The following EPB41L4A variants were observed in gnomAD, a reference collection of about 807,000 sequenced individuals.
EPB41L4A encodes erythrocyte membrane protein band 4.1 like 4A, also known as band 4.1-like protein 4A.
EPB41L4A carries 100 observed loss-of-function variants against 108.6 expected under a neutral mutation model. The observed-to-expected ratio is 0.92, with a 90% CI of 0.78 to 1.09. The LOEUF (loss-of-function observed/expected upper bound fraction) is 1.09. Among genes scored for constraint, EPB41L4A ranks in the 50% least tolerant of loss-of-function variants. The pLI, the probability that EPB41L4A is intolerant of heterozygous loss-of-function variation, is 0.00. For missense variants in EPB41L4A, 1,030 were observed against 842.7 expected (o/e 1.22, Z -2.75); for synonymous variants, 319 against 289.0 (o/e 1.10, Z -1.05).
intron 4 of EPB41L4A, among the ~76,000 whole-genome samples, chr5:112,274,206 G>C (rs1477730561): frequency 6.6e-6 from 1 of 152,092 alleles, no homozygotes; most frequent in Non-Finnish European, 1.5e-5. Context: ...TGTGAACCCA[G>C]GAGTTTGAGG....
chr5:112,300,106 C>G lies in EPB41L4A; in HGVS notation c.204+7280G>C, dbSNP rs181518431. On this transcript the variant is annotated intron_variant, in intron 2 of 22. Coordinates refer to ENST00000261486, the MANE Select transcript of EPB41L4A (RefSeq NM_022140.5). ...GTGAATTCTTATCCATTCTGCAATTCTGTATCTTTTAAGTGGAGCATTTAG... is the reference window on the plus strand; with the variant it reads ...GTGAATTCTTATCCATTCTGCAATTGTGTATCTTTTAAGTGGAGCATTTAG... 7.9e-5 allele frequency among the ~76,000 whole-genome samples: 12 copies of G among 152,202 alleles called. No homozygotes were observed. In the East Asian group the frequency reaches 2.1e-3, roughly 27 times the overall value.
chr5:112,151,461 G>A (rs1759465609), intron 12 of EPB41L4A, among the ~76,000 whole-genome samples: 1 of 151,600 alleles, frequency 6.6e-6, no homozygotes. Context: ...CGACTGGAGT[G>A]CAGTGGTGCA....
intron 12 of EPB41L4A, among the ~76,000 whole-genome samples, chr5:112,151,378 A>G (rs1759460227): frequency 1.2e-5 from 1 of 82,776 alleles, no homozygotes; most frequent in Admixed American, 9.7e-5. Context: ...AAGAGGATAA[A>G]TATATATTTA....
chr5:112,262,506 G>C lies in EPB41L4A; in HGVS notation c.630C>G (p.Leu210=). 1 of 1,613,692 alleles carries C rather than the reference G, an allele frequency of 6.2e-7. No homozygotes were observed. ...AKSLEMYGVD[L]HPVYGENKSE... Reference sequence around the variant, plus strand: ...AAATGTTACTCACATAGACGGGATGGAGGTCAACGCCATACATCTCCAGGG... The same window carrying C: ...AAATGTTACTCACATAGACGGGATGCAGGTCAACGCCATACATCTCCAGGG... Residue 210 remains leucine, a synonymous_variant, in exon 7 of 23, where the codon CTC becomes CTG. Coordinates refer to ENST00000261486, the MANE Select transcript of EPB41L4A (RefSeq NM_022140.5).
chr5:112,375,323 G>GCTCTCTCTCGCACACA (rs1440284141), intron 1 of EPB41L4A, among the ~76,000 whole-genome samples: 148 of 142,546 alleles, frequency 1.0e-3, no homozygotes, highest in African/African-American at 3.7e-3. Flanking sequence ...TCTCTCTCTC[G>GCTCTCTCTCGCACACA]CACACACACA....
chr5:112,171,941 T>C (rs890518941), intron 18 of EPB41L4A, among the ~76,000 whole-genome samples: 4 of 152,086 alleles, frequency 2.6e-5, no homozygotes, highest in African/African-American at 9.7e-5. Flanking sequence ...ATGCTTTTAG[T>C]GTATGATATC....
At chr5:112,377,513 G>C (rs977363904) in intron 1 of EPB41L4A, among the ~76,000 whole-genome samples, 6 of 152,132 alleles carry the variant, frequency 3.9e-5, no homozygotes, top group Non-Finnish European at 8.8e-5. Context: ...GTGTGCTCCA[G>C]ATTTTCATTT....
At chr5:112,391,771 T>C (rs1760957750) in intron 1 of EPB41L4A, among the ~76,000 whole-genome samples, 1 of 151,840 alleles carries the variant, frequency 6.6e-6, no homozygotes, top group Non-Finnish European at 1.5e-5. Context: ...CCAAGACACA[T>C]AATTGTCAGA....
chr5:112,297,341 G>A lies in EPB41L4A; in HGVS notation c.204+10045C>T, dbSNP rs1393627782. Among the ~76,000 whole-genome samples the A allele has an allele frequency of 2.6e-5, 4 of 151,942 alleles. No homozygotes were observed. The South Asian group carries it at 8.3e-4, about 32-fold the overall frequency. ...TTTTGATAATGGCCATTCTTGCAGG[G>A]GTAAGGTGGTATTGCATTGTGGTTT... On this transcript the variant is annotated intron_variant, in intron 2 of 22. Coordinates refer to ENST00000261486, the MANE Select transcript of EPB41L4A (RefSeq NM_022140.5).
Position 112,172,558 on chromosome 5 carries a change from TG to T in EPB41L4A, c.1623-1567del, listed in dbSNP as rs1292863080. On this transcript the variant is annotated intron_variant, in intron 18 of 22. Coordinates refer to ENST00000261486, the MANE Select transcript of EPB41L4A (RefSeq NM_022140.5). ...TATGTTTCTTACAAATCATAGAAAC[TG>T]CTTCCTTGGTGTCCTGTATGTATTC... 9.2e-5 allele frequency among the ~76,000 whole-genome samples: 14 copies of T among 151,874 alleles called. No individual in the cohort carries two copies. In the East Asian group the frequency reaches 2.7e-3, roughly 29 times the overall value.
rs149111312 is a variant in EPB41L4A, at chr5:112,163,737, T to A, written c.*1253A>T. ...CTGAGAATGAGAGGAAAATCTTAGTTGCTTGGCGGGAGGGGGTTTGTGGTT... is the reference window on the plus strand; with the variant it reads ...CTGAGAATGAGAGGAAAATCTTAGTAGCTTGGCGGGAGGGGGTTTGTGGTT... On this transcript the variant is annotated 3_prime_UTR_variant, in exon 23 of 23. Transcript: ENST00000261486. The A allele has an allele frequency of 3.2e-3, 485 of 152,348 alleles. 2 individuals carry two copies. Among genetic ancestry groups the A allele is most frequent in the African/African-American group, 0.011 (451 of 41,578 alleles). The allele number at this position is 152,348 out of a possible 1,614,324, so 9.4% of individuals were successfully genotyped here. A position where few individuals can be genotyped will look rare whatever the true frequency, so the allele number is the denominator to read the frequency against.
intron 1 of EPB41L4A, among the ~76,000 whole-genome samples, chr5:112,363,150 G>A (rs1020410939): frequency 1.1e-4 from 17 of 152,092 alleles, no homozygotes; most frequent in African/African-American, 3.9e-4. Context: ...ACATTCAGGG[G>A]CTAAACCCTG....
chr5:112,332,435 G>A (rs1460631041), intron 1 of EPB41L4A, among the ~76,000 whole-genome samples: 2 of 152,158 alleles, frequency 1.3e-5, no homozygotes, highest in Admixed American at 6.5e-5. Flanking sequence ...GAGTGTGAAA[G>A]GGTCTGCCAT....
At chr5:112,178,021 C>A (rs1760956756) in intron 18 of EPB41L4A, among the ~76,000 whole-genome samples, 1 of 149,788 alleles carries the variant, frequency 6.7e-6, no homozygotes, top group Admixed American at 6.6e-5. Flanking sequence ...ACTTAAAAGA[C>A]AGGGATTGTC....
chr5:112,284,654 G>T (rs17322573), intron 2 of EPB41L4A, among the ~76,000 whole-genome samples: 1 of 152,232 alleles, frequency 6.6e-6, no homozygotes, highest in Non-Finnish European at 1.5e-5. Context: ...CTCTGATGTC[G>T]CACAGTCCAC....
rs527619344 is a variant in EPB41L4A, at chr5:112,193,580, C to T, written c.1502+988G>A. Among the ~76,000 whole-genome samples, 75 of 152,296 alleles carry T rather than the reference C, an allele frequency of 4.9e-4. 1 individual carries two copies. Among genetic ancestry groups the T allele is most frequent in the South Asian group, 2.5e-3 (12 of 4,830 alleles). ...CCTCCCAAAGTGCTGGGATTACAGG[C>T]GTGAGCCACCGCACCTGGCCTTCCT... On this transcript the variant is annotated intron_variant, in intron 17 of 22. Transcript: ENST00000261486.
intron 2 of EPB41L4A, among the ~76,000 whole-genome samples, chr5:112,290,029 C>T (rs572987974): frequency 2.6e-5 from 4 of 152,302 alleles, no homozygotes; most frequent in Admixed American, 6.5e-5. Context: ...ATCCCAGGTA[C>T]TGGCATAGAT....
chr5:112,364,655 A>T (rs1436094792), intron 1 of EPB41L4A, among the ~76,000 whole-genome samples: 1 of 152,206 alleles, frequency 6.6e-6, no homozygotes, highest in Non-Finnish European at 1.5e-5. Context: ...TTAATGTCTA[A>T]AAAGTTTATC....
At chr5:112,419,337 G>T (rs949466704), upstream of EPB41L4A, 11 of 333,930 alleles carry the variant, frequency 3.3e-5, no homozygotes, top group East Asian at 9.2e-4. Flanking sequence ...CTCCGAAGGC[G>T]GGGGCGCGGG....
Sources: gnomAD v4.1 joint callset for allele counts (sites outside exome capture counted in the v4.1 genomes callset) on GRCh38, gnomAD v4.1.1 for gene constraint, MANE v1.5 for transcripts, NCBI Gene and HGNC (gene_info 2026-07-23, HGNC 2026-07-21) for gene names.